Variants in ADGRE1 observed in about 807,000 individuals in gnomAD.
The protein encoded by ADGRE1 is adhesion G protein-coupled receptor E1.
ADGRE1 carries 82 observed loss-of-function variants against 102.7 expected under a neutral mutation model. The ratio of observed to expected loss-of-function variants is 0.80; its 90% confidence interval spans 0.67 to 0.96. The LOEUF (loss-of-function observed/expected upper bound fraction) is 0.96, where lower values mean the gene tolerates loss of function less well. Ranked by LOEUF, ADGRE1 falls within the 40% of genes least tolerant of loss-of-function variation. The pLI is 0.00. For missense variants in ADGRE1, 1,032 were observed against 1,085.3 expected (o/e 0.95, Z 0.69); for synonymous variants, 398 against 399.6 (o/e 1.00, Z 0.05).
At chr19:6,907,030 A>G (rs548290183) in intron 9 of ADGRE1, among the ~76,000 whole-genome samples, 1 of 152,242 alleles carries the variant, frequency 6.6e-6, no homozygotes, top group Admixed American at 6.5e-5. Context: ...CAACTGAGTA[A>G]TGTTGGTGTG....
intron 17 of ADGRE1, among the ~76,000 whole-genome samples, chr19:6,932,861 G>A (rs1217208542): frequency 6.6e-6 from 1 of 152,206 alleles, no homozygotes; most frequent in Non-Finnish European, 1.5e-5. Context: ...GAGATGCTTA[G>A]TACAATGCCA....
rs534952636 is a variant in ADGRE1, at chr19:6,891,912, G to A, written c.94+1369G>A. 4.6e-5 allele frequency among the ~76,000 whole-genome samples: 7 copies of A among 152,152 alleles called. No individual in the cohort carries two copies. The East Asian group carries it at 1.2e-3, about 25-fold the overall frequency. ...TGGTGGCCAGAACGGTGGGTGCAAAGGTCCTGAGGTTGGAAAGAATTTGGA... is the reference window on the plus strand; with the variant it reads ...TGGTGGCCAGAACGGTGGGTGCAAAAGTCCTGAGGTTGGAAAGAATTTGGA... On this transcript the variant is annotated intron_variant, in intron 2 of 20. Coordinates refer to ENST00000312053, the MANE Select transcript of ADGRE1 (RefSeq NM_001974.5).
Position 6,906,522 on chromosome 19 carries a change from G to A in ADGRE1, c.1038+1G>A. The A allele has an allele frequency of 1.2e-6, 2 of 1,612,334 alleles. No homozygotes were observed. The highest frequency in any genetic ancestry group is 1.7e-6 in the Non-Finnish European group (2 of 1,179,032). ...GGGAACCGCAGTGAAACCTGCATAT[G>A]CAAGTATTTTTTAAGGTTCCTAGTT... On this transcript the variant is annotated splice_donor_variant, in intron 9 of 20. Coordinates refer to ENST00000312053, the MANE Select transcript of ADGRE1 (RefSeq NM_001974.5). LOFTEE classifies it high-confidence loss of function.
chr19:6,921,399 G>A (rs886778265), intron 13 of ADGRE1, among the ~76,000 whole-genome samples: 2 of 152,144 alleles, frequency 1.3e-5, no homozygotes, highest in African/African-American at 4.8e-5. Flanking sequence ...TCCAGCCTGG[G>A]CAACAGAGTG....
intron 17 of ADGRE1, among the ~76,000 whole-genome samples, chr19:6,934,478 T>G (rs937350323): frequency 6.7e-6 from 1 of 150,068 alleles, no homozygotes; most frequent in African/African-American, 2.5e-5. Flanking sequence ...TGGAGTGCAG[T>G]GGCACAATCT....
chr19:6,888,228 A>T (rs1973219069), intron 1 of ADGRE1, among the ~76,000 whole-genome samples: 1 of 152,236 alleles, frequency 6.6e-6, no homozygotes, highest in Admixed American at 6.5e-5. Flanking sequence ...GCCCCAAAAA[A>T]TAAGTAAACA....
chr19:6,928,505 T>A, intron 17 of ADGRE1: 3 of 491,844 alleles, frequency 6.1e-6, no homozygotes, highest in Non-Finnish European at 1.1e-5. Flanking sequence ...CGAGCACTTG[T>A]AATCCCAGCT....
At chr19:6,919,442 C>CTGGGTGTGTGTGTGTG in intron 12 of ADGRE1, 106 bp from the exon 13 acceptor site, 1 of 448,580 alleles carries the variant, frequency 2.2e-6, no homozygotes, top group Non-Finnish European at 3.9e-6. Flanking sequence ...CTCCCTCCCT[C>CTGGGTGTGTGTGTGTG]TGTGTGTGTG....
chr19:6,920,516 C>CTTTTCTTTT (rs1974613858), intron 13 of ADGRE1, among the ~76,000 whole-genome samples: 1 of 75,736 alleles, frequency 1.3e-5, no homozygotes, highest in Non-Finnish European at 2.4e-5. Flanking sequence ...ACCATGCCCG[C>CTTTTCTTTT]TTTTTTTTTT....
chr19:6,891,182 T>A (rs1282750500), intron 2 of ADGRE1: 1 of 152,010 alleles, frequency 6.6e-6, no homozygotes, highest in Non-Finnish European at 1.5e-5. Context: ...TCTGATGGTT[T>A]TATAAATGGG....
At position 6,908,676 on chromosome 19, in the gene ADGRE1, T is replaced by TC; in HGVS notation, c.1039-13_1039-12insC. 1 of 1,580,700 alleles carries TC rather than the reference T, an allele frequency of 6.3e-7. No homozygotes were observed. Among genetic ancestry groups the TC allele is most frequent in the South Asian group, 1.2e-5 (1 of 84,534 alleles). On this transcript the variant is annotated splice_polypyrimidine_tract_variant and intron_variant, in intron 9 of 20. Transcript: ENST00000312053. ...GCTCACAAATGCTCTTTTTTTTTTTTTCTGGGACGCAGGTCTCCTTTTGTG... is the reference window on the plus strand; with the variant it reads ...GCTCACAAATGCTCTTTTTTTTTTTTCTCTGGGACGCAGGTCTCCTTTTGTG...
chr19:6,929,439 G>A (rs1194236045), intron 17 of ADGRE1, among the ~76,000 whole-genome samples: 2 of 152,032 alleles, frequency 1.3e-5, no homozygotes, highest in African/African-American at 4.8e-5. Flanking sequence ...TTATGCAAAT[G>A]GGGTCTTTAC....
At chr19:6,892,763 C>T (rs1005587418) in intron 2 of ADGRE1, among the ~76,000 whole-genome samples, 2 of 152,202 alleles carry the variant, frequency 1.3e-5, no homozygotes, top group African/African-American at 4.8e-5. Context: ...GCATACACAA[C>T]GGATTGCTAT....
At chr19:6,887,757 C>A in intron 1 of ADGRE1, 118 bp downstream of exon 1, 2 of 1,060,292 alleles carry the variant, frequency 1.9e-6, no homozygotes, top group Non-Finnish European at 2.7e-6. Flanking sequence ...CTGGATGCTG[C>A]AAACACCTTC....
At chr19:6,920,110 A>G (rs11667934) in intron 13 of ADGRE1, among the ~76,000 whole-genome samples, 43,933 of 151,838 alleles carry the variant, frequency 0.29, 7,846 homozygotes, top group African/African-American at 0.5. Context: ...AATGAACTGC[A>G]ATCTGATTGC....
At chr19:6,937,999 T>C (rs1271875167) in intron 20 of ADGRE1, among the ~76,000 whole-genome samples, 11 of 151,266 alleles carry the variant, frequency 7.3e-5, no homozygotes, top group Non-Finnish European at 2.9e-5. Flanking sequence ...TATATACATA[T>C]AATGTATAAT....
At position 6,921,741 on chromosome 19, in the gene ADGRE1, G is replaced by T; in HGVS notation, c.1649G>T (p.Cys550Phe). ...AAGCAGAAGTTTGAGAGGCCCATCTGTGTTTCCTGGAGCACTGATGTGAAG... is the reference window on the plus strand; with the variant it reads ...AAGCAGAAGTTTGAGAGGCCCATCTTTGTTTCCTGGAGCACTGATGTGAAG... ...QPKQKFERPI[C>F]VSWSTDVKGG... is the part of the protein sequence containing the mutation. The change falls in exon 14 of 21, where the codon TGT (cysteine) becomes TTT (phenylalanine). Residue 550 changes from cysteine to phenylalanine, a missense_variant. Physicochemically the swap from Cys to Phe is radical, Grantham distance 205. Transcript: ENST00000312053. 1 of 1,611,520 alleles carries T rather than the reference G, an allele frequency of 6.2e-7. No homozygotes were observed. The highest frequency in any genetic ancestry group is 2.2e-5 in the East Asian group (1 of 44,866).
In ADGRE1 at chr19:6,913,702, C is replaced by T; in HGVS notation, c.1172C>T (p.Thr391Ile). Reference protein sequence around the residue: ...VPVLKQISTWTKFTKEETSSL... With the variant: ...VPVLKQISTWIKFTKEETSSL... ...GTGCTTAAACAAATATCCACGTGGA[C>T]TAAATTCACCAAGGAAGAGACGTCC... is the stretch of plus-strand genomic sequence containing the variant. Residue 391 changes from threonine (T) to isoleucine (I), a missense_variant, in exon 11 of 21, where the codon ACT becomes ATT. Transcript: ENST00000312053. The T allele has an allele frequency of 6.2e-7, 1 of 1,612,716 alleles. No individual in the cohort carries two copies. Among genetic ancestry groups the T allele is most frequent in the Non-Finnish European group, 8.5e-7 (1 of 1,179,282 alleles).
intron 16 of ADGRE1, 138 bp from the exon 17 acceptor site, chr19:6,928,007 T>G: frequency 9.2e-7 from 1 of 1,086,840 alleles, no homozygotes; most frequent in African/African-American, 1.6e-5. Flanking sequence ...GAAACTGAAC[T>G]GCAACCGGGA....
Sources: gnomAD v4.1 joint callset for allele counts (sites outside exome capture counted in the v4.1 genomes callset) on GRCh38, gnomAD v4.1.1 for gene constraint, MANE v1.5 for transcripts, NCBI Gene and HGNC (gene_info 2026-07-23, HGNC 2026-07-21) for gene names.